Variants in OXSR1 observed in about 807,000 individuals in gnomAD.
OXSR1 encodes serine/threonine-protein kinase OSR1.
Under a neutral mutation model 79.8 loss-of-function variants are expected in OXSR1, and 24 were observed. That is an observed-to-expected ratio of 0.30 (90% CI 0.22 to 0.42). The LOEUF is 0.42. Ranked by LOEUF, OXSR1 falls within the 10% of genes least tolerant of loss-of-function variation. OXSR1 has a pLI of 1.00. For missense variants in OXSR1, 430 were observed against 618.4 expected (o/e 0.70, Z 3.23); for synonymous variants, 226 against 209.2 (o/e 1.08, Z -0.69).
chr3:38,185,038 G>C, intron 2 of OXSR1, among the ~76,000 whole-genome samples: 1 of 141,100 alleles, frequency 7.1e-6, no homozygotes, highest in East Asian at 2.2e-4. Context: ...CCGCCTCCCA[G>C]GTTCAAGCAA....
At chr3:38,189,588 A>G (rs994340857) in intron 2 of OXSR1, among the ~76,000 whole-genome samples, 4 of 152,212 alleles carry the variant, frequency 2.6e-5, no homozygotes, top group African/African-American at 4.8e-5. Flanking sequence ...GACGACTTTC[A>G]CACAGTTGAT....
intron 10 of OXSR1, among the ~76,000 whole-genome samples, chr3:38,232,050 T>C (rs1702818760): frequency 6.6e-6 from 1 of 152,090 alleles, no homozygotes; most frequent in Non-Finnish European, 1.5e-5. Context: ...GAGGTTGCAG[T>C]GAGCTGAGAT....
rs553178409 is a variant in OXSR1, at chr3:38,245,326, C to G, written c.1111-749C>G. Among the ~76,000 whole-genome samples, 4 of 152,066 alleles carry G rather than the reference C, an allele frequency of 2.6e-5. No individual in the cohort carries two copies. The South Asian group carries it at 8.3e-4, about 32-fold the overall frequency. ...TTATACTCAGTATCAGTCATTTCCC[C>G]CAAACTACATAATTAAAATTTATGA... On this transcript the variant is annotated intron_variant, in intron 12 of 17. Transcript: ENST00000311806.
In OXSR1 at chr3:38,194,948, T is replaced by TA. The variant is rs1253435600; in HGVS notation, c.293-3773dup. Among the ~76,000 whole-genome samples, 5 of 152,326 alleles carry TA rather than the reference T, an allele frequency of 3.3e-5. No homozygotes were observed. The East Asian group carries it at 9.6e-4, about 29-fold the overall frequency. ...TAAAATGAATAGTGAGTGTCACTCT[T>TA]ACCCCACCAACCAGGTGTACATCCT... On this transcript the variant is annotated intron_variant, in intron 3 of 17. Transcript: ENST00000311806.
intron 3 of OXSR1, among the ~76,000 whole-genome samples, chr3:38,195,567 T>C (rs1036810764): frequency 7.2e-5 from 11 of 152,210 alleles, no homozygotes; most frequent in Non-Finnish European, 1.5e-4. Context: ...TTATTAAAAC[T>C]TCCTAGTAGA....
chr3:38,198,563 ATTAATT>A (rs1369949206), intron 3 of OXSR1, among the ~76,000 whole-genome samples, 153 bp from the exon 4 acceptor site: 1 of 152,204 alleles, frequency 6.6e-6, no homozygotes, highest in Non-Finnish European at 1.5e-5. Context: ...AAAATAAGTT[ATTAATT>A]TTAAACTTCT....
At chr3:38,252,743 C>A in intron 17 of OXSR1, 74 bp from the exon 18 acceptor site, 2 of 1,179,708 alleles carry the variant, frequency 1.7e-6, no homozygotes, top group Non-Finnish European at 2.5e-6. Context: ...TCCCACTATC[C>A]CATGTCTGTT....
rs1040852260 is a variant in OXSR1, at chr3:38,254,530, C to G, written c.*1639C>G. ...CAGCAGTCTTGGTAAAAGGAGGGAG[C>G]CTGCTGAGCCAGGAGGGAGAAAAGA... On this transcript the variant is annotated 3_prime_UTR_variant, in exon 18 of 18. Transcript: ENST00000311806. 2.9e-6 allele frequency: 1 copy of G among 341,760 alleles called. No homozygotes were observed. Among genetic ancestry groups the G allele is most frequent in the Non-Finnish European group, 5.3e-6 (1 of 190,250 alleles). 21.2% of individuals were successfully genotyped at this position (341,760 alleles called of 1,614,324 possible).
chr3:38,230,334 T>TA (rs765312196), intron 9 of OXSR1, 31 bp from the exon 10 acceptor site: 1 of 1,449,070 alleles, frequency 6.9e-7, no homozygotes, highest in Non-Finnish European at 9.6e-7. Flanking sequence ...TAAAAACTTG[T>TA]AAGAACAAAA....
Position 38,198,769 on chromosome 3 carries a change from A to G in OXSR1, c.340A>G (p.Lys114Glu). 5 of 1,613,264 alleles carry G rather than the reference A, an allele frequency of 3.1e-6. No individual in the cohort carries two copies. The highest frequency in any genetic ancestry group is 1.1e-5 in the South Asian group (1 of 91,062). Residue 114 changes from lysine to glutamate, a missense_variant, in exon 4 of 18, where the codon AAA becomes GAA. Physicochemically the swap from Lys to Glu is moderately conservative, Grantham distance 56. Transcript: ENST00000311806. Reference sequence around the variant, plus strand: ...GCACATTGTGGCAAAAGGGGAACACAAAAGTGGAGTCCTAGATGAATCTAC... The same window carrying G: ...GCACATTGTGGCAAAAGGGGAACACGAAAGTGGAGTCCTAGATGAATCTAC... ...IKHIVAKGEH[K>E]SGVLDESTIA...
At chr3:38,210,806 T>TC (rs1559513749) in intron 4 of OXSR1, among the ~76,000 whole-genome samples, 1 of 152,198 alleles carries the variant, frequency 6.6e-6, no homozygotes, top group Non-Finnish European at 1.5e-5. Context: ...TTTTCAGACT[T>TC]TTTTCCTGTT....
upstream of OXSR1, among the ~76,000 whole-genome samples, chr3:38,164,634 G>C (rs751140319): frequency 3.3e-5 from 5 of 152,134 alleles, no homozygotes; most frequent in African/African-American, 4.8e-5. Flanking sequence ...TGTTCAGTGG[G>C]GGCGACAAAA....
chr3:38,228,202 A>G (rs1242861064), intron 8 of OXSR1, among the ~76,000 whole-genome samples: 2 of 152,190 alleles, frequency 1.3e-5, no homozygotes, highest in Non-Finnish European at 2.9e-5. Context: ...ATTATTTTGC[A>G]CACAGAAATT....
chr3:38,243,448 G>T (rs1158889096), intron 12 of OXSR1, among the ~76,000 whole-genome samples: 1 of 152,104 alleles, frequency 6.6e-6, no homozygotes, highest in Non-Finnish European at 1.5e-5. Context: ...ATTTTCCGTG[G>T]TTACTGTGTC....
Position 38,253,044 on chromosome 3 carries a change from C to G in OXSR1, c.*153C>G. 1.6e-6 allele frequency: 1 copy of G among 619,550 alleles called. No individual in the cohort carries two copies. Among genetic ancestry groups the G allele is most frequent in the Non-Finnish European group, 2.8e-6 (1 of 351,304 alleles). The allele number at this position is 619,550 out of a possible 1,614,324, so 38.4% of individuals were successfully genotyped here. A position where few individuals can be genotyped will look rare whatever the true frequency, so the allele number is the denominator to read the frequency against. On this transcript the variant is annotated 3_prime_UTR_variant, in exon 18 of 18. Coordinates refer to ENST00000311806, the MANE Select transcript of OXSR1 (RefSeq NM_005109.3). ...CTTTATGTTCTTCCTGCCATCATTC[C>G]TCCTTTTCCCACAGGGAAAGAAAAG...
At chr3:38,196,305 T>C (rs1459503819) in intron 3 of OXSR1, among the ~76,000 whole-genome samples, 2 of 152,204 alleles carry the variant, frequency 1.3e-5, no homozygotes, top group African/African-American at 4.8e-5. Flanking sequence ...ACCTGCATTC[T>C]TTATAATTTT....
At chr3:38,251,773 A>G (rs2125856930) in intron 16 of OXSR1, among the ~76,000 whole-genome samples, 1 of 152,318 alleles carries the variant, frequency 6.6e-6, no homozygotes, top group Middle Eastern at 3.4e-3. Flanking sequence ...TCTGTTTTGG[A>G]TACCTAATTT....
At position 38,247,718 on chromosome 3, in the gene OXSR1, A is replaced by G. The variant is rs748047230; in HGVS notation, c.1308A>G (p.Leu436=). The G allele has an allele frequency of 7.5e-6, 12 of 1,608,952 alleles. No individual in the cohort carries two copies. Among genetic ancestry groups the G allele is most frequent in the Non-Finnish European group, 1.0e-5 (12 of 1,175,568 alleles). ...GSQETKIPIS[L]VLRLRNSKKE... Reference sequence around the variant, plus strand: ...AAGAAACCAAGATCCCAATCAGTCTAGTACTAAGATTAAGGTAAGTAGACA... The same window carrying G: ...AAGAAACCAAGATCCCAATCAGTCTGGTACTAAGATTAAGGTAAGTAGACA... Residue 436 remains leucine, a synonymous_variant, in exon 14 of 18, where the codon CTA becomes CTG. Coordinates refer to ENST00000311806, the MANE Select transcript of OXSR1 (RefSeq NM_005109.3).
At chr3:38,250,328 C>A (rs1703230478) in intron 15 of OXSR1, 2 of 279,264 alleles carry the variant, frequency 7.2e-6, no homozygotes, top group Admixed American at 1.0e-4. Flanking sequence ...AAATTATTAT[C>A]CCCATAGTAT....
Sources: gnomAD v4.1 joint callset for allele counts (sites outside exome capture counted in the v4.1 genomes callset) on GRCh38, gnomAD v4.1.1 for gene constraint, MANE v1.5 for transcripts, NCBI Gene and HGNC (gene_info 2026-07-23, HGNC 2026-07-21) for gene names.